Variants in IL12A observed in about 807,000 individuals in gnomAD.
The protein encoded by IL12A is interleukin 12A, also known as interleukin-12 subunit alpha.
A neutral mutation model predicts 23.5 loss-of-function variants in IL12A; 16 were observed. The ratio of observed to expected loss-of-function variants is 0.68; its 90% confidence interval spans 0.46 to 1.03. IL12A has a LOEUF of 1.03. Ranked by LOEUF, IL12A falls within the 50% of genes least tolerant of loss-of-function variation. The pLI is 0.00. For missense variants in IL12A, 275 were observed against 307.0 expected (o/e 0.90, Z 0.78); for synonymous variants, 106 against 111.5 (o/e 0.95, Z 0.31).
intron 6 of IL12A, among the ~76,000 whole-genome samples, chr3:159,994,486 C>T (rs2243133): frequency 0.024 from 3,597 of 151,782 alleles, 90 homozygotes; most frequent in Middle Eastern, 0.1. Context: ...TTTATATAAG[C>T]GAGGGTGACT....
In IL12A at chr3:159,989,158, C is replaced by T. The variant is rs1720209812; in HGVS notation, c.102C>T (p.Ser34=). The change falls in exon 1 of 7, where the codon AGC becomes AGT. Residue 34 remains serine (S), a synonymous_variant. Coordinates refer to ENST00000305579, the MANE Select transcript of IL12A (RefSeq NM_000882.4). ...CTGTGTCCCTGCAGTGCCGGCTCAG[C>T]ATGTGTCCAGCGCGCAGTGAGTACT... 1 of 1,611,896 alleles carries T rather than the reference C, an allele frequency of 6.2e-7. No individual in the cohort carries two copies.
chr3:159,993,522 G>C (rs748850178), intron 4 of IL12A, 30 bp downstream of exon 4: 2 of 1,613,854 alleles, frequency 1.2e-6, no homozygotes. Flanking sequence ...GTTTCAGCCT[G>C]TATGATGAAT....
intron 2 of IL12A, among the ~76,000 whole-genome samples, chr3:159,990,893 AC>A (rs1720283827): frequency 6.6e-6 from 1 of 152,220 alleles, no homozygotes; most frequent in Non-Finnish European, 1.5e-5. Context: ...AATGTAAAAA[AC>A]ATTGCCGTTA....
chr3:159,989,066 C>T lies in IL12A; in HGVS notation c.10C>T (p.Pro4Ser), dbSNP rs780820171. 3.2e-5 allele frequency: 51 copies of T among 1,613,276 alleles called. No individual in the cohort carries two copies. The highest frequency in any genetic ancestry group is 4.0e-5 in the African/African-American group (3 of 74,916). Reference sequence around the variant, plus strand: ...CGGGACAATTATAAAAATGTGGCCCCCTGGGTCAGCCTCCCAGCCACCGCC... The same window carrying T: ...CGGGACAATTATAAAAATGTGGCCCTCTGGGTCAGCCTCCCAGCCACCGCC... The change falls in exon 1 of 7, where the codon CCT becomes TCT. Residue 4 changes from proline to serine, a missense_variant. Coordinates refer to ENST00000305579, the MANE Select transcript of IL12A (RefSeq NM_000882.4).
At chr3:159,989,831 C>T (rs193215361) in intron 1 of IL12A, among the ~76,000 whole-genome samples, 1 of 152,336 alleles carries the variant, frequency 6.6e-6, no homozygotes, top group Admixed American at 6.5e-5. Context: ...TTTTAAAACA[C>T]TGGGTCCCAA....
Position 159,993,860 on chromosome 3 carries a change from A to C in IL12A, c.606+16A>C. 1 of 1,613,266 alleles carries C rather than the reference A, an allele frequency of 6.2e-7. No homozygotes were observed. The highest frequency in any genetic ancestry group is 8.5e-7 in the Non-Finnish European group (1 of 1,179,332). On this transcript the variant is annotated intron_variant, in intron 6 of 6. Coordinates refer to ENST00000305579, the MANE Select transcript of IL12A (RefSeq NM_000882.4). ...GCTGATGCAGGTAAGACTTCATTCT[A>C]TCAGTGAGAGCACCTTTTTCATGCT...
chr3:159,990,036 G>A lies in IL12A; in HGVS notation c.119-131G>A, dbSNP rs56141841. 4.3e-3 allele frequency: 3,621 copies of A among 842,944 alleles called. 10 individuals carry two copies. Among genetic ancestry groups the A allele is most frequent in the Non-Finnish European group, 5.9e-3 (3,162 of 534,338 alleles). 52.2% of individuals were successfully genotyped at this position (842,944 alleles called of 1,614,324 possible). On this transcript the variant is annotated intron_variant, in intron 1 of 6. Coordinates refer to ENST00000305579, the MANE Select transcript of IL12A (RefSeq NM_000882.4). ...TCATCTCTCAGGTGTTGAAGGAAAA[G>A]TGTTGGAAATGGGTTGAGGGAGGTG...
chr3:159,995,441 C>A lies in IL12A; in HGVS notation c.644C>A (p.Ser215Tyr). 3.7e-6 allele frequency: 6 copies of A among 1,607,634 alleles called. No individual in the cohort carries two copies. The highest frequency in any genetic ancestry group is 5.1e-6 in the Non-Finnish European group (6 of 1,177,502). The change falls in exon 7 of 7, where the codon TCC (serine) becomes TAC (tyrosine). Residue 215 changes from serine to tyrosine, a missense_variant. Coordinates refer to ENST00000305579, the MANE Select transcript of IL12A (RefSeq NM_000882.4). ...AACAGTGAGACTGTGCCACAAAAAT[C>A]CTCCCTTGAAGAACCGGATTTTTAT...
chr3:159,995,683 A>G lies in IL12A; in HGVS notation c.*124A>G. 1 of 575,600 alleles carries G rather than the reference A, an allele frequency of 1.7e-6. No individual in the cohort carries two copies. The highest frequency in any genetic ancestry group is 2.9e-6 in the Non-Finnish European group (1 of 343,694). The allele number at this position is 575,600 out of a possible 1,614,324, so 35.7% of individuals were successfully genotyped here. On this transcript the variant is annotated 3_prime_UTR_variant, in exon 7 of 7. Transcript: ENST00000305579. ...GATGGGACTATTACATCCACATGAT[A>G]CCTCTGATCAAGTATTTTTGACATT...
intron 6 of IL12A, among the ~76,000 whole-genome samples, chr3:159,994,579 C>CGTGTAT (rs1720430368): frequency 7.4e-6 from 1 of 135,636 alleles, no homozygotes; most frequent in Non-Finnish European, 1.7e-5. Flanking sequence ...TTATTCTTTT[C>CGTGTAT]GTGTGTGTGT....
At chr3:159,992,952 T>C in intron 2 of IL12A, 60 bp from the exon 3 acceptor site, 3 of 1,005,474 alleles carry the variant, frequency 3.0e-6, no homozygotes, top group South Asian at 1.4e-5. Flanking sequence ...TTACCAGCCT[T>C]GTGGGGTGCC....
At chr3:159,991,792 G>C (rs1448885620) in intron 2 of IL12A, among the ~76,000 whole-genome samples, 2 of 152,168 alleles carry the variant, frequency 1.3e-5, no homozygotes, top group Non-Finnish European at 2.9e-5. Flanking sequence ...CACATTCCTT[G>C]ACTTGTGGCC....
At chr3:159,991,498 C>G (rs1198179865) in intron 2 of IL12A, among the ~76,000 whole-genome samples, 1 of 152,214 alleles carries the variant, frequency 6.6e-6, no homozygotes, top group African/African-American at 2.4e-5. Context: ...AAGAACAACA[C>G]TGGACTCACA....
At position 159,989,047 on chromosome 3, in the gene IL12A, A is replaced by G; in HGVS notation, c.-10A>G. Reference sequence around the variant, plus strand: ...GGAAAGTCCTGCCGCGCCTCGGGACAATTATAAAAATGTGGCCCCCTGGGT... The same window carrying G: ...GGAAAGTCCTGCCGCGCCTCGGGACGATTATAAAAATGTGGCCCCCTGGGT... On this transcript the variant is annotated 5_prime_UTR_variant, in exon 1 of 7. Coordinates refer to ENST00000305579, the MANE Select transcript of IL12A (RefSeq NM_000882.4). The G allele has an allele frequency of 6.2e-7, 1 of 1,610,476 alleles. No homozygotes were observed. The highest frequency in any genetic ancestry group is 8.5e-7 in the Non-Finnish European group (1 of 1,177,100).
In IL12A at chr3:159,990,105, G is replaced by T; in HGVS notation, c.119-62G>T. On this transcript the variant is annotated intron_variant, in intron 1 of 6. Transcript: ENST00000305579. Reference sequence around the variant, plus strand: ...ATGGGTGAAGGTGGCCAGAATGGAGGGAAGGTGGTGCAGGCAGGCCATCCA... The same window carrying T: ...ATGGGTGAAGGTGGCCAGAATGGAGTGAAGGTGGTGCAGGCAGGCCATCCA... 8 of 1,566,342 alleles carry T rather than the reference G, an allele frequency of 5.1e-6. No individual in the cohort carries two copies. In the South Asian group the frequency reaches 9.2e-5, roughly 18 times the overall value.
At chr3:159,995,029 C>G (rs1267531072) in intron 6 of IL12A, among the ~76,000 whole-genome samples, 2 of 152,268 alleles carry the variant, frequency 1.3e-5, no homozygotes, top group East Asian at 3.9e-4. Flanking sequence ...TGATCAATAG[C>G]AATCCATCAC....
intron 6 of IL12A, among the ~76,000 whole-genome samples, chr3:159,994,817 T>A (rs1398518209): frequency 6.6e-6 from 1 of 152,170 alleles, no homozygotes; most frequent in Non-Finnish European, 1.5e-5. Context: ...TCCTCCAGTA[T>A]AAAATGGGGT....
rs528128087 is a variant in IL12A, at chr3:159,988,955, G to A, written c.-102G>A. 2.0e-6 allele frequency: 2 copies of A among 995,154 alleles called. No individual in the cohort carries two copies. The highest frequency in any genetic ancestry group is 3.1e-6 in the Non-Finnish European group (2 of 639,176). 61.6% of individuals were successfully genotyped at this position (995,154 alleles called of 1,614,324 possible). On this transcript the variant is annotated 5_prime_UTR_variant, in exon 1 of 7. The change creates a new upstream start codon in the 5' untranslated region. Transcript: ENST00000305579. Reference sequence around the variant, plus strand: ...GCCCCGCGGGCCGGCCGCACCGCACGTGTCACCGAGAAGCTGATGTAGAGA... The same window carrying A: ...GCCCCGCGGGCCGGCCGCACCGCACATGTCACCGAGAAGCTGATGTAGAGA...
At chr3:159,993,910 A>G (rs1720405801) in intron 6 of IL12A, 66 bp downstream of exon 6, 2 of 1,530,402 alleles carry the variant, frequency 1.3e-6, no homozygotes, top group African/African-American at 2.8e-5. Flanking sequence ...AGGGTCTTTG[A>G]TAAAGAGATA....
Sources: gnomAD v4.1 joint callset for allele counts (sites outside exome capture counted in the v4.1 genomes callset) on GRCh38, gnomAD v4.1.1 for gene constraint, MANE v1.5 for transcripts, NCBI Gene and HGNC (gene_info 2026-07-23, HGNC 2026-07-21) for gene names.